Variants in NELL1 observed in about 807,000 individuals in gnomAD.
NELL1 encodes protein kinase C-binding protein NELL1.
Under a neutral mutation model 107.4 loss-of-function variants are expected in NELL1, and 76 were observed. The ratio of observed to expected loss-of-function variants is 0.71; its 90% CI spans 0.59 to 0.86. The LOEUF (loss-of-function observed/expected upper bound fraction) is 0.86. Ranked by LOEUF, NELL1 falls within the 40% of genes least tolerant of loss-of-function variation. The pLI, the probability that NELL1 is intolerant of heterozygous loss-of-function variation, is 0.00. For missense variants in NELL1, 1,024 were observed against 1,005.5 expected, an observed-to-expected ratio of 1.02 and a Z score of -0.25; for synonymous variants, 353 against 341.2, an observed-to-expected ratio of 1.03 and a Z score of -0.38.
intron 4 of NELL1, among the ~76,000 whole-genome samples, chr11:20,868,680 G>T (rs754835807): frequency 6.6e-6 from 1 of 151,918 alleles, no homozygotes; most frequent in African/African-American, 2.4e-5. Context: ...ATTAAAAATC[G>T]CAATGCAAGG....
At chr11:20,904,310 T>C (rs771767733) in intron 5 of NELL1, among the ~76,000 whole-genome samples, 1 of 152,044 alleles carries the variant, frequency 6.6e-6, no homozygotes, top group Non-Finnish European at 1.5e-5. Flanking sequence ...CACGAATAAA[T>C]AACTAATGTT....
intron 2 of NELL1, among the ~76,000 whole-genome samples, chr11:20,728,535 C>G (rs1387410880): frequency 1.3e-5 from 2 of 151,418 alleles, no homozygotes; most frequent in African/African-American, 2.4e-5. Flanking sequence ...GGCTAGTCAG[C>G]TATCTCATCA....
At chr11:20,765,704 G>T (rs1241499892) in intron 2 of NELL1, among the ~76,000 whole-genome samples, 1 of 152,112 alleles carries the variant, frequency 6.6e-6, no homozygotes, top group African/African-American at 2.4e-5. Flanking sequence ...CCAAGAAGGA[G>T]GGAAGAGGTG....
chr11:20,827,729 G>A (rs1325147034), intron 3 of NELL1, among the ~76,000 whole-genome samples: 2 of 151,218 alleles, frequency 1.3e-5, no homozygotes, highest in East Asian at 3.8e-4. Context: ...AAGAAAGGCT[G>A]GGAAATGAGT....
chr11:21,064,564 A>G (rs186886021), intron 12 of NELL1, among the ~76,000 whole-genome samples: 1 of 152,278 alleles, frequency 6.6e-6, no homozygotes, highest in Admixed American at 6.5e-5. Context: ...TTCAGATTTT[A>G]TCCTGTGTGC....
chr11:21,237,164 C>G (rs554453020), intron 14 of NELL1, among the ~76,000 whole-genome samples: 1 of 152,212 alleles, frequency 6.6e-6, no homozygotes, highest in South Asian at 2.1e-4. Context: ...TATGGCTGAG[C>G]CACCCCACTC....
At chr11:20,904,228 GAAAA>G (rs933315880) in intron 5 of NELL1, among the ~76,000 whole-genome samples, 25 of 150,120 alleles carry the variant, frequency 1.7e-4, no homozygotes, top group African/African-American at 5.4e-4. Flanking sequence ...AAAAAAAAAA[GAAAA>G]AAGTGGCAGG....
intron 12 of NELL1, among the ~76,000 whole-genome samples, chr11:21,064,694 G>T (rs56073502): frequency 0.32 from 48,643 of 151,780 alleles, 7,923 homozygotes; most frequent in East Asian, 0.42. Context: ...GAGGGTGGGG[G>T]GTGGAGAGGT....
chr11:21,105,864 C>CTTCCCCGCT (rs1407061847), intron 12 of NELL1, among the ~76,000 whole-genome samples: 1 of 11,960 alleles, frequency 8.4e-5, no homozygotes. Context: ...TCTCCCCTCC[C>CTTCCCCGCT]CCTCCCCTTC....
At chr11:20,975,241 C>G (rs368166086) in intron 12 of NELL1, among the ~76,000 whole-genome samples, 15 of 152,070 alleles carry the variant, frequency 9.9e-5, no homozygotes, top group Admixed American at 3.9e-4. Flanking sequence ...GTCTCGAACT[C>G]CTGACCTCAC....
chr11:20,709,783 TTTATTA>T (rs543606558), intron 2 of NELL1, among the ~76,000 whole-genome samples: 241 of 152,216 alleles, frequency 1.6e-3, no homozygotes, highest in Admixed American at 2.6e-3. Flanking sequence ...TTATTAATAT[TTTATTA>T]TTATTCTTAT....
At chr11:21,197,794 A>G (rs916422118) in intron 13 of NELL1, among the ~76,000 whole-genome samples, 18 of 152,096 alleles carry the variant, frequency 1.2e-4, no homozygotes, top group African/African-American at 4.1e-4. Flanking sequence ...TAGGTGCTTT[A>G]ACTTTCATTT....
intron 13 of NELL1, among the ~76,000 whole-genome samples, chr11:21,182,416 C>A: frequency 7.2e-6 from 1 of 139,336 alleles, no homozygotes. Context: ...GCCTGGGTGA[C>A]AGAGTGAGAC....
chr11:20,999,715 C>T (rs1483840356), intron 12 of NELL1, among the ~76,000 whole-genome samples: 4 of 132,134 alleles, frequency 3.0e-5, no homozygotes, highest in African/African-American at 1.6e-4. Context: ...ACCTTTGGTA[C>T]CCTTGCAAAA....
chr11:21,178,726 T>C (rs1005041817), intron 13 of NELL1, among the ~76,000 whole-genome samples: 1 of 151,020 alleles, frequency 6.6e-6, no homozygotes, highest in African/African-American at 2.5e-5. Context: ...ACCACACTAC[T>C]GCACTCCAGC....
chr11:21,072,801 T>C (rs541397292), intron 12 of NELL1, among the ~76,000 whole-genome samples: 1 of 152,364 alleles, frequency 6.6e-6, no homozygotes, highest in East Asian at 1.9e-4. Flanking sequence ...CCTAATTTTG[T>C]TGTCTTAGAA....
chr11:20,832,234 G>A (rs565408648), intron 3 of NELL1, among the ~76,000 whole-genome samples: 18 of 152,202 alleles, frequency 1.2e-4, no homozygotes, highest in Non-Finnish European at 2.5e-4. Context: ...CTTAGTGACC[G>A]TACACTTTTA....
At chr11:20,705,517 A>T (rs1225089526) in intron 2 of NELL1, among the ~76,000 whole-genome samples, 4 of 145,926 alleles carry the variant, frequency 2.7e-5, no homozygotes, top group African/African-American at 1.0e-4. Context: ...AATGAATTTA[A>T]GATGGATTAA....
At chr11:21,156,468 A>C (rs16907562) in intron 13 of NELL1, among the ~76,000 whole-genome samples, 3 of 151,886 alleles carry the variant, frequency 2.0e-5, no homozygotes, top group Admixed American at 1.3e-4. Context: ...GTCAGAAACA[A>C]GGAAAAAGGA....
Sources: gnomAD v4.1 joint callset for allele counts (sites outside exome capture counted in the v4.1 genomes callset) on GRCh38, gnomAD v4.1.1 for gene constraint, MANE v1.5 for transcripts, NCBI Gene and HGNC (gene_info 2026-07-23, HGNC 2026-07-21) for gene names.